Variants in RNGTT observed in about 807,000 individuals in gnomAD.
RNGTT encodes the protein mRNA-capping enzyme.
RNGTT carries 33 observed loss-of-function variants against 79.3 expected under a neutral mutation model. The observed-to-expected ratio is 0.42, with a 90% CI of 0.32 to 0.56. RNGTT has a LOEUF of 0.56. RNGTT is among the 20% of genes least tolerant of loss of function. RNGTT has a pLI of 0.17. For missense variants in RNGTT, 497 were observed against 739.1 expected (o/e 0.67, Z 3.80); for synonymous variants, 222 against 235.9 (o/e 0.94, Z 0.54).
intron 13 of RNGTT, among the ~76,000 whole-genome samples, chr6:88,719,363 C>T (rs1295265589): frequency 6.6e-6 from 1 of 152,134 alleles, no homozygotes; most frequent in Non-Finnish European, 1.5e-5. Context: ...TTTATTCCTT[C>T]TGTGGTTCAA....
chr6:88,709,953 T>C lies in RNGTT; in HGVS notation c.1440-31534A>G, dbSNP rs114916545. Among the ~76,000 whole-genome samples the C allele has an allele frequency of 8.3e-3, 1,259 of 152,368 alleles. 19 individuals carry two copies. Among genetic ancestry groups the C allele is most frequent in the African/African-American group, 0.029 (1,186 of 41,572 alleles). ...TATGCTAGAAACTGTAAGTAGTGTA[T>C]TGTTTGTATATAAACAAATGCAATT... On this transcript the variant is annotated intron_variant, in intron 13 of 15. Transcript: ENST00000369485.
At chr6:88,739,506 CTT>C (rs1777395463) in intron 13 of RNGTT, among the ~76,000 whole-genome samples, 1 of 151,718 alleles carries the variant, frequency 6.6e-6, no homozygotes, top group Admixed American at 6.6e-5. Context: ...TTTAAGTAAA[CTT>C]ATGTTTATGT....
chr6:88,884,466 C>A (rs535596346), intron 8 of RNGTT, among the ~76,000 whole-genome samples: 1 of 151,608 alleles, frequency 6.6e-6, no homozygotes, highest in Non-Finnish European at 1.5e-5. Context: ...CTCATCTGTA[C>A]AAAAAGAAAT....
At chr6:88,798,454 G>C (rs1398078139) in intron 12 of RNGTT, among the ~76,000 whole-genome samples, 1 of 149,004 alleles carries the variant, frequency 6.7e-6, no homozygotes, top group African/African-American at 2.5e-5. Context: ...AACAAAGTGA[G>C]ACCCTGTCTC....
chr6:88,776,955 T>C (rs1309476491), intron 12 of RNGTT, among the ~76,000 whole-genome samples: 1 of 152,224 alleles, frequency 6.6e-6, no homozygotes, highest in African/African-American at 2.4e-5. Context: ...TTTTCCACTA[T>C]GTTTTCTTCT....
intron 11 of RNGTT, among the ~76,000 whole-genome samples, chr6:88,804,775 T>G (rs1779903078): frequency 6.6e-6 from 1 of 152,128 alleles, no homozygotes; most frequent in Non-Finnish European, 1.5e-5. Flanking sequence ...AGTATCTTCA[T>G]CATTAGAGCC....
chr6:88,679,181 T>C (rs770844883), intron 13 of RNGTT, among the ~76,000 whole-genome samples: 1 of 152,080 alleles, frequency 6.6e-6, no homozygotes, highest in Non-Finnish European at 1.5e-5. Context: ...ACCTGACAAA[T>C]ACCTATAACC....
intron 14 of RNGTT, among the ~76,000 whole-genome samples, chr6:88,658,260 GACA>G (rs1361484990): frequency 6.6e-6 from 1 of 152,162 alleles, no homozygotes. Flanking sequence ...CTGTCCATAT[GACA>G]ACGTCACCAC....
Position 88,795,613 on chromosome 6 carries a change from C to T in RNGTT, c.1338+5951G>A, listed in dbSNP as rs138053417. Reference sequence around the variant, plus strand: ...ACGGGTTGATGAGTGCAGGAAACCACCATGGCACGTGTATACCTATGTAAC... The same window carrying T: ...ACGGGTTGATGAGTGCAGGAAACCATCATGGCACGTGTATACCTATGTAAC... On this transcript the variant is annotated intron_variant, in intron 12 of 15. Transcript: ENST00000369485. Among the ~76,000 whole-genome samples the T allele has an allele frequency of 2.8e-3, 426 of 152,142 alleles. 3 individuals carry two copies. The highest frequency in any genetic ancestry group is 9.8e-3 in the African/African-American group (407 of 41,492).
intron 8 of RNGTT, among the ~76,000 whole-genome samples, chr6:88,854,924 G>T (rs921490710): frequency 1.3e-5 from 2 of 152,192 alleles, no homozygotes; most frequent in Non-Finnish European, 2.9e-5. Context: ...AAGACTTGGG[G>T]TGAAAATGAA....
chr6:88,897,005 C>T (rs1031897547), intron 6 of RNGTT, among the ~76,000 whole-genome samples: 1 of 152,170 alleles, frequency 6.6e-6, no homozygotes, highest in Non-Finnish European at 1.5e-5. Flanking sequence ...CAATACAACT[C>T]ACATTGATTG....
chr6:88,789,144 G>C (rs566412335), intron 12 of RNGTT, among the ~76,000 whole-genome samples: 10 of 152,188 alleles, frequency 6.6e-5, no homozygotes, highest in Non-Finnish European at 1.3e-4. Flanking sequence ...TCTTGGCCGG[G>C]CACGGTGACT....
intron 1 of RNGTT, 81 bp from the exon 2 acceptor site, chr6:88,941,261 T>C (rs1279597721): frequency 9.9e-6 from 10 of 1,014,452 alleles, no homozygotes; most frequent in Non-Finnish European, 1.5e-5. Flanking sequence ...TTCTCAAATA[T>C]CACCTTCTTA....
chr6:88,864,650 T>C (rs1020391302), intron 8 of RNGTT, among the ~76,000 whole-genome samples: 1 of 152,132 alleles, frequency 6.6e-6, no homozygotes, highest in African/African-American at 2.4e-5. Flanking sequence ...TGCATTCATG[T>C]CCACAGCAGC....
intron 8 of RNGTT, among the ~76,000 whole-genome samples, chr6:88,879,725 T>C (rs16881099): frequency 0.31 from 46,722 of 152,066 alleles, 8,220 homozygotes; most frequent in East Asian, 0.64. Context: ...AAAGCAAATT[T>C]TAAAAAATCT....
At chr6:88,903,526 ATTAC>A (rs1783543090) in intron 6 of RNGTT, among the ~76,000 whole-genome samples, 1 of 152,204 alleles carries the variant, frequency 6.6e-6, no homozygotes, top group African/African-American at 2.4e-5. Context: ...AAAATAATAA[ATTAC>A]TTTTGAAATA....
In RNGTT at chr6:88,784,611, A is replaced by C. The variant is rs1289172749; in HGVS notation, c.1339-14737T>G. On this transcript the variant is annotated intron_variant, in intron 12 of 15. Coordinates refer to ENST00000369485, the MANE Select transcript of RNGTT (RefSeq NM_003800.5). ...AATTGGTCTGTCAGTAGAAAGAGCT[A>C]CTAAAGTTATCACTGAACTTGGACA... Among the ~76,000 whole-genome samples the C allele has an allele frequency of 2.0e-5, 3 of 152,216 alleles. No individual in the cohort carries two copies. The East Asian group carries it at 5.8e-4, about 29-fold the overall frequency.
chr6:88,859,266 A>C (rs568159133), intron 8 of RNGTT, among the ~76,000 whole-genome samples: 3 of 152,168 alleles, frequency 2.0e-5, no homozygotes, highest in Admixed American at 6.5e-5. Flanking sequence ...CAGAAACCAT[A>C]ATGCAGAATT....
At chr6:88,680,714 C>A (rs1775061795) in intron 13 of RNGTT, among the ~76,000 whole-genome samples, 1 of 150,760 alleles carries the variant, frequency 6.6e-6, no homozygotes, top group South Asian at 2.1e-4. Flanking sequence ...TGCACTCCAG[C>A]CCGGGCAAGA....
Sources: gnomAD v4.1 joint callset for allele counts (sites outside exome capture counted in the v4.1 genomes callset) on GRCh38, gnomAD v4.1.1 for gene constraint, MANE v1.5 for transcripts, NCBI Gene and HGNC (gene_info 2026-07-23, HGNC 2026-07-21) for gene names.